The following PDE4B variants were observed in gnomAD, a reference collection of about 807,000 sequenced individuals.
The protein encoded by PDE4B is 3',5'-cyclic-AMP phosphodiesterase 4B.
PDE4B carries 20 observed loss-of-function variants against 82.2 expected under a neutral mutation model. The ratio of observed to expected loss-of-function variants is 0.24; its 90% CI spans 0.17 to 0.35. PDE4B has a LOEUF of 0.35. PDE4B is among the 10% of genes least tolerant of loss of function. PDE4B has a pLI of 1.00. For missense variants in PDE4B, 655 were observed against 907.2 expected (o/e 0.72, Z 3.57); for synonymous variants, 320 against 318.9 (o/e 1.00, Z -0.04).
intron 1 of PDE4B, among the ~76,000 whole-genome samples, chr1:65,866,153 C>T (rs1280965999): frequency 2.6e-5 from 4 of 152,074 alleles, no homozygotes; most frequent in Non-Finnish European, 5.9e-5. Flanking sequence ...CATTATTGAG[C>T]CTCTAAAACT....
intron 3 of PDE4B, among the ~76,000 whole-genome samples, chr1:66,063,342 G>C (rs1367072120): frequency 6.6e-6 from 1 of 151,850 alleles, no homozygotes; most frequent in Non-Finnish European, 1.5e-5. Flanking sequence ...AATTACCAGA[G>C]TCTGAGCCCC....
chr1:65,911,631 A>G (rs919488789), intron 1 of PDE4B, among the ~76,000 whole-genome samples: 4 of 151,938 alleles, frequency 2.6e-5, no homozygotes, highest in African/African-American at 9.7e-5. Flanking sequence ...GCAGCCTTTG[A>G]GTAAAAGTAT....
intron 16 of PDE4B, among the ~76,000 whole-genome samples, chr1:66,370,082 C>T (rs139888170): frequency 0.023 from 3,121 of 134,588 alleles, 101 homozygotes; most frequent in African/African-American, 0.081. Context: ...ACCCAGGAGG[C>T]GGACGTTGCA....
intron 3 of PDE4B, among the ~76,000 whole-genome samples, chr1:66,076,384 T>C (rs1034182183): frequency 1.3e-5 from 2 of 152,164 alleles, no homozygotes; most frequent in African/African-American, 4.8e-5. Flanking sequence ...TGCATAATTT[T>C]CCATCGTTAT....
At chr1:66,186,184 A>G (rs1053705990) in intron 3 of PDE4B, among the ~76,000 whole-genome samples, 2 of 152,006 alleles carry the variant, frequency 1.3e-5, no homozygotes, top group African/African-American at 4.8e-5. Context: ...TTTCTGTTCC[A>G]TTGGTCTATA....
rs567658343 is a variant in PDE4B, at chr1:66,177,361, G to T, written c.282-70099G>T. On this transcript the variant is annotated intron_variant, in intron 3 of 16. Coordinates refer to ENST00000341517, the MANE Select transcript of PDE4B (RefSeq NM_002600.4). ...TAGAATGGTGTTTAGCACATGGTAA[G>T]GGCTCAATGAATACTTGTGAAATGA... is the stretch of plus-strand genomic sequence containing the variant. Among the ~76,000 whole-genome samples the T allele has an allele frequency of 9.2e-5, 14 of 152,300 alleles. No homozygotes were observed. In the South Asian group the frequency reaches 1.2e-3, roughly 14 times the overall value.
intron 3 of PDE4B, among the ~76,000 whole-genome samples, chr1:66,063,362 G>T (rs1313685770): frequency 7.9e-5 from 12 of 152,002 alleles, no homozygotes; most frequent in Admixed American, 2.6e-4. Context: ...CCTACTTAGG[G>T]ATTCTGATAT....
chr1:66,106,098 T>C (rs1352371547), intron 3 of PDE4B, among the ~76,000 whole-genome samples: 1 of 152,130 alleles, frequency 6.6e-6, no homozygotes, highest in Non-Finnish European at 1.5e-5. Context: ...GCTCTTATTA[T>C]TTTGAGATAC....
At chr1:65,977,395 CAG>C (rs1309940368) in intron 3 of PDE4B, among the ~76,000 whole-genome samples, 2 of 152,058 alleles carry the variant, frequency 1.3e-5, no homozygotes, top group African/African-American at 4.8e-5. Context: ...GACTTAATTA[CAG>C]AGAAAAAAGC....
At chr1:66,053,610 C>A (rs1655150392) in intron 3 of PDE4B, among the ~76,000 whole-genome samples, 1 of 152,108 alleles carries the variant, frequency 6.6e-6, no homozygotes, top group East Asian at 1.9e-4. Flanking sequence ...GTAATCCCAG[C>A]ACTTTGGGAG....
At chr1:65,861,058 C>A (rs994990037) in intron 1 of PDE4B, among the ~76,000 whole-genome samples, 2 of 152,108 alleles carry the variant, frequency 1.3e-5, no homozygotes, top group African/African-American at 4.8e-5. Context: ...TTAATTAGAT[C>A]CCTTTTGTCA....
intron 3 of PDE4B, among the ~76,000 whole-genome samples, chr1:65,988,812 T>C (rs776673368): frequency 1.3e-5 from 2 of 152,138 alleles, no homozygotes; most frequent in African/African-American, 4.8e-5. Flanking sequence ...TAAAATACTT[T>C]TGTTTTATAA....
chr1:66,171,155 C>T (rs968930029), intron 3 of PDE4B, among the ~76,000 whole-genome samples: 3 of 152,032 alleles, frequency 2.0e-5, no homozygotes, highest in African/African-American at 7.2e-5. Context: ...ACAATTTTGC[C>T]TGCTCACATT....
intron 3 of PDE4B, among the ~76,000 whole-genome samples, chr1:66,080,646 C>T (rs1401857812): frequency 1.3e-5 from 2 of 152,152 alleles, no homozygotes; most frequent in Non-Finnish European, 1.5e-5. Context: ...TTAGAGGCAA[C>T]ATCAAGGTGT....
chr1:65,911,032 G>C (rs999191593), intron 1 of PDE4B, among the ~76,000 whole-genome samples: 1 of 151,960 alleles, frequency 6.6e-6, no homozygotes, highest in Non-Finnish European at 1.5e-5. Context: ...CTTGTAATTT[G>C]TGATCCTGCT....
intron 1 of PDE4B, among the ~76,000 whole-genome samples, chr1:65,819,934 C>T (rs1020728369): frequency 9.9e-5 from 15 of 151,984 alleles, no homozygotes; most frequent in African/African-American, 3.4e-4. Flanking sequence ...TACGAATTCA[C>T]AAGGAAAAGA....
At chr1:65,892,436 C>A (rs1298620744) in intron 1 of PDE4B, among the ~76,000 whole-genome samples, 1 of 152,068 alleles carries the variant, frequency 6.6e-6, no homozygotes, top group Non-Finnish European at 1.5e-5. Context: ...AATCACCAAG[C>A]AAAACATGCC....
chr1:66,247,384 C>T (rs1047327470), intron 3 of PDE4B, 76 bp from the exon 4 acceptor site: 7 of 936,792 alleles, frequency 7.5e-6, no homozygotes, highest in South Asian at 3.7e-5. Context: ...ACCTGCCACA[C>T]GTTGGTTCTC....
At chr1:65,904,909 C>T (rs577842429) in intron 1 of PDE4B, among the ~76,000 whole-genome samples, 1 of 152,302 alleles carries the variant, frequency 6.6e-6, no homozygotes, top group East Asian at 1.9e-4. Flanking sequence ...ATTCATATCT[C>T]TGTCAGAAGA....
Sources: allele counts gnomAD v4.1 joint callset (sites outside exome capture counted in the v4.1 genomes callset), GRCh38; gene constraint gnomAD v4.1.1; transcripts MANE v1.5; gene names NCBI Gene and HGNC (gene_info 2026-07-23, HGNC 2026-07-21).